Variants in KIF27 observed in about 807,000 individuals in gnomAD.
KIF27 encodes kinesin-like protein KIF27.
KIF27 carries 84 observed loss-of-function variants against 141.8 expected under a neutral mutation model. The ratio of observed to expected loss-of-function variants is 0.59; its 90% CI spans 0.50 to 0.71. The LOEUF (loss-of-function observed/expected upper bound fraction) is 0.71, where lower values mean the gene tolerates loss of function less well. Ranked by LOEUF, KIF27 falls within the 30% of genes least tolerant of loss-of-function variation. The pLI is 0.00. For missense variants in KIF27, 1,306 were observed against 1,628.4 expected (o/e 0.80, Z 3.41); for synonymous variants, 471 against 569.5 (o/e 0.83, Z 2.46).
rs1004672486 is a variant in KIF27, at chr9:83,834,956, A to AGT, written c.*2043_*2044dup. Reference sequence around the variant, plus strand: ...ATATATATACAAGTGTTTATATACAAGTATATATAATGGTAAAAGGTCAGT... The same window carrying AGT: ...ATATATATACAAGTGTTTATATACAAGTGTATATATAATGGTAAAAGGTCAGT... On this transcript the variant is annotated 3_prime_UTR_variant, in exon 18 of 18. Coordinates refer to ENST00000297814, the MANE Select transcript of KIF27 (RefSeq NM_017576.4). Among the ~76,000 whole-genome samples the AGT allele has an allele frequency of 1.4e-5, 2 of 147,486 alleles. No individual in the cohort carries two copies. The highest frequency in any genetic ancestry group is 5.1e-5 in the African/African-American group (2 of 39,398).
chr9:83,849,355 A>G (rs1262633680), intron 16 of KIF27: 1 of 152,086 alleles, frequency 6.6e-6, no homozygotes, highest in African/African-American at 2.4e-5. Context: ...GATTTTTCCA[A>G]TTTTCTGCTT....
At chr9:83,908,351 C>T in intron 3 of KIF27, 101 bp downstream of exon 3, 2 of 571,390 alleles carry the variant, frequency 3.5e-6, no homozygotes, top group Non-Finnish European at 3.0e-6. Flanking sequence ...GCTTCTGCAT[C>T]TGTTTTTAAA....
At chr9:83,861,181 T>TTATA (rs369418168) in intron 13 of KIF27, among the ~76,000 whole-genome samples, 2,313 of 149,504 alleles carry the variant, frequency 0.015, 73 homozygotes, top group African/African-American at 0.055. Context: ...GGCTATTTCT[T>TTATA]TATATATATA....
chr9:83,858,920 T>C (rs1479237522), intron 14 of KIF27: 5 of 535,534 alleles, frequency 9.3e-6, no homozygotes, highest in African/African-American at 7.6e-5. Context: ...AGTTTCCAAA[T>C]GCCTGGCAGT....
intron 9 of KIF27, among the ~76,000 whole-genome samples, chr9:83,885,243 C>T (rs1193961297): frequency 6.6e-6 from 1 of 152,158 alleles, no homozygotes; most frequent in African/African-American, 2.4e-5. Flanking sequence ...CAGGCACACG[C>T]CACCATGCCC....
chr9:83,919,501 T>C (rs915896843), intron 1 of KIF27, among the ~76,000 whole-genome samples: 8 of 152,184 alleles, frequency 5.3e-5, no homozygotes, highest in African/African-American at 1.7e-4. Context: ...CTGCTGAGTC[T>C]TGAAGATTAC....
chr9:83,844,311 G>T (rs1454324180), intron 16 of KIF27, among the ~76,000 whole-genome samples: 9 of 143,596 alleles, frequency 6.3e-5, no homozygotes, highest in African/African-American at 8.1e-5. Context: ...TATAGAGAGA[G>T]ATATAGATAT....
chr9:83,837,515 G>T (rs369903546), intron 17 of KIF27, 30 bp from the exon 18 acceptor site: 343 of 1,551,156 alleles, frequency 2.2e-4, no homozygotes, highest in Non-Finnish European at 2.8e-4. Context: ...CAAAAAATTA[G>T]ATACTATTTC....
intron 1 of KIF27, among the ~76,000 whole-genome samples, chr9:83,917,286 A>T (rs771555690): frequency 3.3e-5 from 5 of 152,178 alleles, no homozygotes; most frequent in Non-Finnish European, 5.9e-5. Flanking sequence ...TGTAAAACAT[A>T]TAGTCTGAAA....
Position 83,904,100 on chromosome 9 carries a change from C to T in KIF27, c.500-82G>A, listed in dbSNP as rs1954236981. On this transcript the variant is annotated intron_variant, in intron 3 of 17. Transcript: ENST00000297814. ...TAACAGTTACCATTTGCTAAACAGC[C>T]TGGCCAAGATAGTCCCTTTTTTAAA... 4.7e-6 allele frequency: 5 copies of T among 1,060,888 alleles called. No homozygotes were observed. In the Admixed American group the frequency reaches 1.2e-4, roughly 25 times the overall value. 65.7% of individuals were successfully genotyped at this position (1,060,888 alleles called of 1,614,324 possible).
intron 6 of KIF27, among the ~76,000 whole-genome samples, chr9:83,890,911 TA>T (rs1461234315): frequency 6.6e-6 from 1 of 152,200 alleles, no homozygotes; most frequent in Non-Finnish European, 1.5e-5. Flanking sequence ...GAACAGCATA[TA>T]AATATTATTT....
intron 6 of KIF27, 53 bp from the exon 7 acceptor site, chr9:83,889,306 T>A: frequency 2.0e-6 from 3 of 1,515,366 alleles, no homozygotes; most frequent in Non-Finnish European, 2.7e-6. Flanking sequence ...TTTAAAAGTC[T>A]AATTTTATCC....
intron 17 of KIF27, among the ~76,000 whole-genome samples, chr9:83,839,595 T>G (rs1224643546): frequency 6.6e-6 from 1 of 152,220 alleles, no homozygotes; most frequent in Non-Finnish European, 1.5e-5. Context: ...TGAATTTTTC[T>G]GCAATTTGAA....
At chr9:83,859,545 T>G (rs1318672925) in intron 13 of KIF27, 174 bp from the exon 14 acceptor site, 3 of 579,730 alleles carry the variant, frequency 5.2e-6, no homozygotes, top group Non-Finnish European at 9.1e-6. Context: ...CTTTTTTTGT[T>G]TTTGACATGG....
intron 13 of KIF27, among the ~76,000 whole-genome samples, chr9:83,864,579 G>A (rs1326939177): frequency 6.6e-6 from 1 of 152,204 alleles, no homozygotes; most frequent in Non-Finnish European, 1.5e-5. Context: ...TTGCTGAGGA[G>A]TGCTTTACTT....
rs781598275 is a variant in KIF27 at position 83,903,452 on chromosome 9, T to C, written c.1066A>G (p.Ile356Val). ...TTAATCTCAAATTCCATTTCATCTA[T>C]ACGGTCTGACTCGGGGCTGAAGTTT... is the stretch of plus-strand genomic sequence containing the variant. ...TVNFSPESDRIDEMEFEIKLL... is the reference protein window; with the variant it reads ...TVNFSPESDRVDEMEFEIKLL... Residue 356 changes from isoleucine to valine, a missense_variant, in exon 4 of 18, where the codon ATA becomes GTA. Ile to Val is a conservative substitution (Grantham distance 29). Around this residue, in one of 4 missense-constraint regions of KIF27, gnomAD observed 533 missense variants for 565.6 expected, o/e 0.94. Coordinates refer to ENST00000297814, the MANE Select transcript of KIF27 (RefSeq NM_017576.4). 4.3e-6 allele frequency: 7 copies of C among 1,614,180 alleles called. No homozygotes were observed. The highest frequency in any genetic ancestry group is 5.9e-6 in the Non-Finnish European group (7 of 1,180,034).
intron 14 of KIF27, chr9:83,858,555 G>C (rs1949523779): frequency 6.6e-6 from 1 of 152,090 alleles, no homozygotes. Context: ...GGGGCAATTT[G>C]ACAGCCCATA....
chr9:83,842,594 C>A (rs1376862030), intron 16 of KIF27, among the ~76,000 whole-genome samples, 193 bp from the exon 17 acceptor site: 1 of 152,050 alleles, frequency 6.6e-6, no homozygotes, highest in African/African-American at 2.4e-5. Context: ...GCCTCCCAAG[C>A]AGCTGGGACT....
chr9:83,838,195 G>A (rs1241031410), intron 17 of KIF27, among the ~76,000 whole-genome samples: 3 of 152,004 alleles, frequency 2.0e-5, no homozygotes, highest in Admixed American at 1.3e-4. Context: ...ATATATTGAT[G>A]CATGCTTAGT....
Sources: gnomAD v4.1 joint callset for allele counts (sites outside exome capture counted in the v4.1 genomes callset) on GRCh38, gnomAD v4.1.1 for gene constraint, gnomAD v4.1.1 regional missense constraint, MANE v1.5 for transcripts, NCBI Gene and HGNC (gene_info 2026-07-23, HGNC 2026-07-21) for gene names.